Variants in TMEM132D observed in about 807,000 individuals in gnomAD.
TMEM132D encodes the protein transmembrane protein 132D.
A neutral mutation model predicts 62.3 loss-of-function variants in TMEM132D; 21 were observed. That is an observed-to-expected ratio of 0.34 (90% CI 0.24 to 0.49). TMEM132D has a LOEUF of 0.49. Among genes scored for constraint, TMEM132D ranks in the 20% least tolerant of loss-of-function variants. TMEM132D has a pLI of 0.99. For missense variants in TMEM132D, 1,346 were observed against 1,402.8 expected, an observed-to-expected ratio of 0.96 and a Z score of 0.65; for synonymous variants, 621 against 575.6, an observed-to-expected ratio of 1.08 and a Z score of -1.13.
intron 4 of TMEM132D, among the ~76,000 whole-genome samples, chr12:129,326,784 AC>A (rs1218069968): frequency 6.6e-6 from 1 of 152,244 alleles, no homozygotes; most frequent in Non-Finnish European, 1.5e-5. Context: ...TGAAATAAGA[AC>A]CATAATTAAC....
intron 1 of TMEM132D, among the ~76,000 whole-genome samples, chr12:129,754,718 G>A (rs971693615): frequency 6.6e-6 from 1 of 152,096 alleles, no homozygotes; most frequent in African/African-American, 2.4e-5. Flanking sequence ...TTTACTTAAG[G>A]AGCCTGAAAA....
intron 4 of TMEM132D, among the ~76,000 whole-genome samples, chr12:129,235,025 T>C (rs1044461824): frequency 1.3e-5 from 2 of 152,198 alleles, no homozygotes; most frequent in Non-Finnish European, 2.9e-5. Context: ...TGCATAACTT[T>C]AATAAAAATT....
chr12:129,198,571 T>C (rs1878607983), intron 5 of TMEM132D, among the ~76,000 whole-genome samples: 1 of 152,150 alleles, frequency 6.6e-6, no homozygotes, highest in Non-Finnish European at 1.5e-5. Context: ...GAAAGACAAA[T>C]ACTGCATGTT....
Position 129,337,624 on chromosome 12 carries a change from G to A in TMEM132D, c.1299+10C>T, listed in dbSNP as rs764352646. The A allele has an allele frequency of 8.1e-6, 13 of 1,613,508 alleles. No homozygotes were observed. The highest frequency in any genetic ancestry group is 1.1e-5 in the Non-Finnish European group (13 of 1,179,748). On this transcript the variant is annotated intron_variant, in intron 4 of 8. Coordinates refer to ENST00000422113, the MANE Select transcript of TMEM132D (RefSeq NM_133448.3). ...TTCAGTTCTAACAGCCCAGGGCGGG[G>A]CTTGCTTACCATAGCCAGCGGCACA...
At chr12:129,799,491 AG>A (rs1871688022) in intron 1 of TMEM132D, among the ~76,000 whole-genome samples, 2 of 151,932 alleles carry the variant, frequency 1.3e-5, no homozygotes, top group South Asian at 4.1e-4. Flanking sequence ...TTTTGGATGG[AG>A]AAAGTTCTGG....
At chr12:129,777,526 C>G (rs1870980112) in intron 1 of TMEM132D, among the ~76,000 whole-genome samples, 1 of 152,166 alleles carries the variant, frequency 6.6e-6, no homozygotes, top group African/African-American at 2.4e-5. Flanking sequence ...CAAGCAGCAA[C>G]TTCAGCAAGC....
At chr12:129,598,992 T>C (rs540273921) in intron 2 of TMEM132D, among the ~76,000 whole-genome samples, 2 of 152,278 alleles carry the variant, frequency 1.3e-5, no homozygotes, top group East Asian at 3.9e-4. Flanking sequence ...AGAAAATGCT[T>C]ATACTTCTGA....
At chr12:129,480,226 T>C (rs969602327) in intron 3 of TMEM132D, among the ~76,000 whole-genome samples, 3 of 152,186 alleles carry the variant, frequency 2.0e-5, no homozygotes, top group Non-Finnish European at 2.9e-5. Context: ...TGCATGGAGC[T>C]GCAGAGGGGT....
At chr12:129,743,956 C>T (rs957123908) in intron 1 of TMEM132D, among the ~76,000 whole-genome samples, 8 of 152,042 alleles carry the variant, frequency 5.3e-5, no homozygotes, top group Admixed American at 2.6e-4. Flanking sequence ...GACAAAAAAG[C>T]GTGTGCTGTT....
intron 3 of TMEM132D, among the ~76,000 whole-genome samples, chr12:129,404,044 T>C (rs1871698026): frequency 6.6e-6 from 1 of 152,016 alleles, no homozygotes; most frequent in Non-Finnish European, 1.5e-5. Flanking sequence ...AGCCAGAAAT[T>C]GTACAGCCTT....
chr12:129,397,935 G>A (rs1156675727), intron 3 of TMEM132D, among the ~76,000 whole-genome samples: 1 of 152,134 alleles, frequency 6.6e-6, no homozygotes, highest in Non-Finnish European at 1.5e-5. Flanking sequence ...TTTCTTTGGG[G>A]CCAAAACCTC....
intron 2 of TMEM132D, among the ~76,000 whole-genome samples, chr12:129,689,232 C>T (rs73158829): frequency 0.13 from 19,859 of 152,176 alleles, 1,588 homozygotes; most frequent in East Asian, 0.33. Flanking sequence ...GGAACAGGGG[C>T]AGCACTTAAA....
intron 3 of TMEM132D, among the ~76,000 whole-genome samples, chr12:129,516,801 T>A (rs988341714): frequency 1.3e-5 from 2 of 152,240 alleles, no homozygotes; most frequent in Admixed American, 1.3e-4. Context: ...CTCCTTATAG[T>A]TCTGGAGATC....
At chr12:129,136,890 CCACCATCAT>C (rs557518829) in intron 5 of TMEM132D, among the ~76,000 whole-genome samples, 1 of 148,972 alleles carries the variant, frequency 6.7e-6, no homozygotes, top group Admixed American at 6.7e-5. Context: ...ATCATCATCA[CCACCATCAT>C]CACCATCATC....
In TMEM132D at chr12:129,842,760, T is replaced by G. The variant is rs546367795; in HGVS notation, c.79+60501A>C. 8.5e-5 allele frequency among the ~76,000 whole-genome samples: 13 copies of G among 152,310 alleles called. No individual in the cohort carries two copies. The South Asian group carries it at 1.0e-3, about 12-fold the overall frequency. ...CTGAGATTTCAGGCGAGGGAGAGAT[T>G]CCTGCTTCCTGCTGGTGTATCTTTA... On this transcript the variant is annotated intron_variant, in intron 1 of 8. Coordinates refer to ENST00000422113, the MANE Select transcript of TMEM132D (RefSeq NM_133448.3).
At chr12:129,379,483 C>A (rs946760663) in intron 3 of TMEM132D, among the ~76,000 whole-genome samples, 1 of 152,200 alleles carries the variant, frequency 6.6e-6, no homozygotes, top group Non-Finnish European at 1.5e-5. Context: ...TTACCTGACA[C>A]GTCTGTAGTG....
At chr12:129,353,013 G>A (rs1869917773) in intron 3 of TMEM132D, among the ~76,000 whole-genome samples, 1 of 152,138 alleles carries the variant, frequency 6.6e-6, no homozygotes, top group Non-Finnish European at 1.5e-5. Context: ...TCTTGTGCAA[G>A]ATCCAAGAAC....
chr12:129,858,934 C>G (rs1468512414), intron 1 of TMEM132D, among the ~76,000 whole-genome samples: 2 of 114,362 alleles, frequency 1.7e-5, no homozygotes, highest in Non-Finnish European at 3.5e-5. Context: ...GTAACGGAGT[C>G]CGGGGGAACG....
intron 2 of TMEM132D, among the ~76,000 whole-genome samples, chr12:129,548,877 A>G: frequency 6.6e-6 from 1 of 152,258 alleles, no homozygotes; most frequent in South Asian, 2.1e-4. Flanking sequence ...AAGAAAACAG[A>G]TTATTTAAAA....
Sources: gnomAD v4.1 joint callset for allele counts (sites outside exome capture counted in the v4.1 genomes callset) on GRCh38, gnomAD v4.1.1 for gene constraint, MANE v1.5 for transcripts, NCBI Gene and HGNC (gene_info 2026-07-23, HGNC 2026-07-21) for gene names.